Variants in GALNT13 observed in about 807,000 individuals in gnomAD.
The protein encoded by GALNT13 is polypeptide N-acetylgalactosaminyltransferase 13.
Under a neutral mutation model 64.2 loss-of-function variants are expected in GALNT13, and 28 were observed. The ratio of observed to expected loss-of-function variants is 0.44; its 90% confidence interval spans 0.32 to 0.60. The LOEUF (loss-of-function observed/expected upper bound fraction) is 0.60. GALNT13 is among the 20% of genes least tolerant of loss of function. The pLI is 0.05. For missense variants in GALNT13, 577 were observed against 669.8 expected, an observed-to-expected ratio of 0.86 and a Z score of 1.53; for synonymous variants, 214 against 224.6, an observed-to-expected ratio of 0.95 and a Z score of 0.42.
the GALNT13 span, among the ~76,000 whole-genome samples, chr2:153,820,243 G>A: frequency 6.6e-6 from 1 of 152,136 alleles, no homozygotes; most frequent in Non-Finnish European, 1.5e-5. Context: ...ATTAGTTAAA[G>A]TGCCAAACAT....
chr2:154,372,260 G>A (rs548077181), intron 9 of GALNT13, among the ~76,000 whole-genome samples: 2 of 152,148 alleles, frequency 1.3e-5, no homozygotes, highest in South Asian at 4.1e-4. Flanking sequence ...TTTGAAATTC[G>A]TCTAGTTCAA....
the GALNT13 span, among the ~76,000 whole-genome samples, chr2:153,505,975 A>T: frequency 2.6e-5 from 4 of 152,106 alleles, no homozygotes; most frequent in African/African-American, 9.7e-5. Flanking sequence ...TTGTGTTGGC[A>T]TTGATCTCAT....
At chr2:153,889,860 GT>G in intron 1 of GALNT13, among the ~76,000 whole-genome samples, 1 of 152,022 alleles carries the variant, frequency 6.6e-6, no homozygotes. Context: ...TTACCAGTGG[GT>G]TTTCAGCAGT....
the GALNT13 span, among the ~76,000 whole-genome samples, chr2:153,596,367 G>C: frequency 1.3e-5 from 2 of 152,224 alleles, no homozygotes; most frequent in Non-Finnish European, 2.9e-5. Context: ...ACTTAATAAA[G>C]ACACCTCACA....
chr2:153,577,874 A>G, the GALNT13 span, among the ~76,000 whole-genome samples: 1 of 150,890 alleles, frequency 6.6e-6, no homozygotes, highest in Non-Finnish European at 1.5e-5. Flanking sequence ...ACTTTATTCT[A>G]TATTTTAAAC....
chr2:154,022,582 C>T (rs901589850), intron 3 of GALNT13, among the ~76,000 whole-genome samples: 1 of 152,034 alleles, frequency 6.6e-6, no homozygotes, highest in Non-Finnish European at 1.5e-5. Flanking sequence ...TGATTCTTCT[C>T]TCTTTTCTTC....
At chr2:153,437,923 G>A in the GALNT13 span, among the ~76,000 whole-genome samples, 6 of 152,198 alleles carry the variant, frequency 3.9e-5, no homozygotes, top group South Asian at 2.1e-4. Context: ...TCCTAGCCTC[G>A]ATGGTCTTTA....
intron 3 of GALNT13, 117 bp from the exon 4 acceptor site, chr2:154,140,220 T>C (rs781465063): frequency 2.9e-6 from 2 of 698,654 alleles, no homozygotes; most frequent in Non-Finnish European, 4.7e-6. Context: ...GATCATTATA[T>C]TATAAAACCT....
chr2:154,442,786 T>C (rs1701366185), intron 12 of GALNT13, among the ~76,000 whole-genome samples: 1 of 152,024 alleles, frequency 6.6e-6, no homozygotes, highest in Admixed American at 6.6e-5. Context: ...GAGAATCTAA[T>C]TTTAGATCAG....
At chr2:153,345,659 C>G in the GALNT13 span, among the ~76,000 whole-genome samples, 1 of 136,802 alleles carries the variant, frequency 7.3e-6, no homozygotes, top group Admixed American at 7.5e-5. Context: ...TTCTTTCTTT[C>G]TTTCTTTCTT....
the GALNT13 span, among the ~76,000 whole-genome samples, chr2:153,295,035 T>C: frequency 1.3e-5 from 2 of 152,152 alleles, no homozygotes; most frequent in African/African-American, 4.8e-5. Flanking sequence ...ACCTGAAGCA[T>C]AGTCAACTTT....
At chr2:153,163,371 C>T in the GALNT13 span, among the ~76,000 whole-genome samples, 7 of 152,046 alleles carry the variant, frequency 4.6e-5, no homozygotes, top group South Asian at 1.0e-3. Flanking sequence ...GGTCTTTAAA[C>T]CTTGGGAATC....
chr2:153,287,607 C>T, the GALNT13 span, among the ~76,000 whole-genome samples: 7 of 152,208 alleles, frequency 4.6e-5, no homozygotes, highest in African/African-American at 1.4e-4. Context: ...GGCTCTTCTC[C>T]GACCACCCCC....
chr2:153,443,103 A>C, the GALNT13 span, among the ~76,000 whole-genome samples: 1 of 152,122 alleles, frequency 6.6e-6, no homozygotes, highest in Non-Finnish European at 1.5e-5. Flanking sequence ...TCTGAAAAAA[A>C]ACTCTTGCAT....
the GALNT13 span, among the ~76,000 whole-genome samples, chr2:153,360,145 G>A: frequency 6.6e-6 from 1 of 152,198 alleles, no homozygotes; most frequent in African/African-American, 2.4e-5. Flanking sequence ...CCACAGAGAA[G>A]GAAGAGCAGT....
intron 3 of GALNT13, among the ~76,000 whole-genome samples, chr2:154,081,195 C>A (rs10490535): frequency 6.6e-6 from 1 of 151,278 alleles, no homozygotes; most frequent in African/African-American, 2.4e-5. Flanking sequence ...GTTCATTTCT[C>A]GTTGCTAATC....
the GALNT13 span, among the ~76,000 whole-genome samples, chr2:153,823,972 T>C: frequency 1.3e-5 from 2 of 152,130 alleles, no homozygotes; most frequent in African/African-American, 2.4e-5. Flanking sequence ...AAAAAGATAC[T>C]TCTCAAAAGA....
At chr2:153,915,087 G>A (rs1337017480) in intron 2 of GALNT13, among the ~76,000 whole-genome samples, 2 of 152,110 alleles carry the variant, frequency 1.3e-5, no homozygotes, top group African/African-American at 2.4e-5. Context: ...TTCCCCCAGT[G>A]TTAGCAGACC....
intron 9 of GALNT13, among the ~76,000 whole-genome samples, chr2:154,390,346 A>T (rs1698727910): frequency 6.6e-6 from 1 of 152,268 alleles, no homozygotes; most frequent in South Asian, 2.1e-4. Flanking sequence ...CCTAGTACCC[A>T]TTAGTTATTT....
Sources: gnomAD v4.1 joint callset for allele counts (sites outside exome capture counted in the v4.1 genomes callset) on GRCh38, gnomAD v4.1.1 for gene constraint, MANE v1.5 for transcripts, NCBI Gene and HGNC (gene_info 2026-07-23, HGNC 2026-07-21) for gene names.